The following TBC1D1 variants were observed in gnomAD, a reference collection of about 807,000 sequenced individuals.
TBC1D1 encodes TBC1 (tre-2/USP6, BUB2, cdc16) domain family, member 1.
TBC1D1 carries 89 observed loss-of-function variants against 125.6 expected under a neutral mutation model. That is an observed-to-expected ratio of 0.71 (90% CI 0.60 to 0.85). The LOEUF is 0.85. Ranked by LOEUF, TBC1D1 falls within the 40% of genes least tolerant of loss-of-function variation. TBC1D1 has a pLI of 0.00. For missense variants in TBC1D1, 1,377 were observed against 1,469.2 expected, an observed-to-expected ratio of 0.94 and a Z score of 1.03; for synonymous variants, 565 against 564.1, an observed-to-expected ratio of 1.00 and a Z score of -0.02.
chr4:38,082,120 A>T (rs1422124916), intron 12 of TBC1D1, among the ~76,000 whole-genome samples: 1 of 152,108 alleles, frequency 6.6e-6, no homozygotes, highest in African/African-American at 2.4e-5. Flanking sequence ...AGAGAGGGGG[A>T]GTTGAGCTAA....
At chr4:38,111,216 ACT>A (rs375584101) in intron 15 of TBC1D1, among the ~76,000 whole-genome samples, 85 of 151,734 alleles carry the variant, frequency 5.6e-4, no homozygotes, top group Middle Eastern at 3.4e-3. Context: ...CCCCTCATCC[ACT>A]CTCTACCCAC....
intron 12 of TBC1D1, among the ~76,000 whole-genome samples, chr4:38,075,069 G>C (rs1235758946): frequency 6.6e-6 from 1 of 152,146 alleles, no homozygotes; most frequent in African/African-American, 2.4e-5. Flanking sequence ...ACAGTCAGTA[G>C]AGACTTTTGA....
intron 15 of TBC1D1, among the ~76,000 whole-genome samples, chr4:38,107,318 C>T (rs979055312): frequency 6.6e-6 from 1 of 152,208 alleles, no homozygotes; most frequent in Non-Finnish European, 1.5e-5. Flanking sequence ...CCACTCCTCT[C>T]ACCCAAGGCT....
At chr4:37,932,274 A>G (rs1401915807) in intron 2 of TBC1D1, among the ~76,000 whole-genome samples, 1 of 152,210 alleles carries the variant, frequency 6.6e-6, no homozygotes. Flanking sequence ...CTTAACTTAG[A>G]GAGGGTATAA....
At chr4:38,109,711 C>G (rs1761921943) in intron 15 of TBC1D1, among the ~76,000 whole-genome samples, 1 of 152,220 alleles carries the variant, frequency 6.6e-6, no homozygotes, top group African/African-American at 2.4e-5. Context: ...AATCTCCTAA[C>G]CCTGCCATTC....
At chr4:38,013,269 A>G (rs1290093322) in intron 2 of TBC1D1, among the ~76,000 whole-genome samples, 3 of 152,226 alleles carry the variant, frequency 2.0e-5, no homozygotes, top group East Asian at 3.8e-4. Flanking sequence ...AAAGAGAAAA[A>G]TCTTTCGAGT....
chr4:37,911,097 TCATCA>T (rs1718502351), intron 2 of TBC1D1, among the ~76,000 whole-genome samples: 2 of 151,186 alleles, frequency 1.3e-5, no homozygotes, highest in Admixed American at 1.3e-4. Flanking sequence ...ATAGGAATAT[TCATCA>T]CAGAGTGACC....
chr4:38,137,029 G>GA, intron 19 of TBC1D1, 106 bp from the exon 22 acceptor site: 1 of 1,565,232 alleles, frequency 6.4e-7, no homozygotes, highest in Admixed American at 1.7e-5. Flanking sequence ...CATCCCTGCT[G>GA]AAACTCGGCT....
intron 17 of TBC1D1, 32 bp from the exon 20 acceptor site, chr4:38,124,930 G>T (rs971648985): frequency 6.2e-7 from 1 of 1,606,734 alleles, no homozygotes; most frequent in Admixed American, 1.7e-5. Flanking sequence ...AACTGGTCTG[G>T]TTTAACTTTC....
At chr4:38,044,275 C>T in intron 8 of TBC1D1, 87 bp from the exon 9 acceptor site, 1 of 1,426,458 alleles carries the variant, frequency 7.0e-7, no homozygotes, top group Admixed American at 2.4e-5. Context: ...TGGCCTGGTG[C>T]CAAAAAGATG....
At chr4:38,012,755 A>T (rs1741779901) in intron 2 of TBC1D1, among the ~76,000 whole-genome samples, 2 of 152,138 alleles carry the variant, frequency 1.3e-5, no homozygotes, top group Admixed American at 1.3e-4. Context: ...ATAACCAAGC[A>T]AATGCTCAGT....
chr4:38,101,004 G>A (rs1483380367), intron 14 of TBC1D1, among the ~76,000 whole-genome samples: 1 of 152,180 alleles, frequency 6.6e-6, no homozygotes, highest in African/African-American at 2.4e-5. Flanking sequence ...CCTAGGGCAA[G>A]GGACCTGTTC....
At chr4:37,915,561 T>C (rs1352338548) in intron 2 of TBC1D1, among the ~76,000 whole-genome samples, 1 of 152,216 alleles carries the variant, frequency 6.6e-6, no homozygotes, top group Non-Finnish European at 1.5e-5. Context: ...TTGAAATATA[T>C]ACTTTAACAT....
chr4:38,089,874 T>G (rs539644364), intron 12 of TBC1D1, 58 bp from the exon 15 acceptor site: 20 of 1,494,618 alleles, frequency 1.3e-5, no homozygotes, highest in Non-Finnish European at 1.6e-5. Context: ...GACACTGTGT[T>G]TGAATGTGCA....
intron 2 of TBC1D1, among the ~76,000 whole-genome samples, chr4:38,002,758 G>A (rs138347929): frequency 2.0e-3 from 310 of 152,228 alleles, no homozygotes; most frequent in African/African-American, 6.6e-3. Context: ...ACTGCTTGAC[G>A]CTCTTAAAAA....
chr4:38,097,825 G>GT (rs1560784360), intron 14 of TBC1D1, among the ~76,000 whole-genome samples: 1 of 152,180 alleles, frequency 6.6e-6, no homozygotes, highest in Admixed American at 6.5e-5. Flanking sequence ...ACAAAGCAGT[G>GT]TTTTTTACTA....
intron 2 of TBC1D1, among the ~76,000 whole-genome samples, chr4:37,966,188 T>C (rs555408580): frequency 1.4e-4 from 21 of 152,218 alleles, no homozygotes; most frequent in Non-Finnish European, 2.6e-4. Context: ...TGAGGTCACA[T>C]AGCTGGTTGC....
At chr4:37,979,944 A>T (rs1734019121) in intron 2 of TBC1D1, among the ~76,000 whole-genome samples, 1 of 151,826 alleles carries the variant, frequency 6.6e-6, no homozygotes, top group Non-Finnish European at 1.5e-5. Context: ...CACCCCCGCT[A>T]ATTTTGTATT....
At chr4:37,925,695 AAAGAG>A (rs1462398855) in intron 2 of TBC1D1, among the ~76,000 whole-genome samples, 1 of 151,314 alleles carries the variant, frequency 6.6e-6, no homozygotes, top group African/African-American at 2.4e-5. Context: ...AAAAAAAAAA[AAAGAG>A]AGAAAAAAAG....
Sources: gnomAD v4.1 joint callset for allele counts (sites outside exome capture counted in the v4.1 genomes callset) on GRCh38, gnomAD v4.1.1 for gene constraint, MANE v1.5 for transcripts, NCBI Gene and HGNC (gene_info 2026-07-23, HGNC 2026-07-21) for gene names.